The following TRPC7 variants were observed in gnomAD, a reference collection of about 807,000 sequenced individuals.
TRPC7 encodes transient receptor potential cation channel subfamily C member 7.
In TRPC7, 42 loss-of-function variants were observed where a neutral mutation model predicts 90.1. That is an observed-to-expected ratio of 0.47 (90% confidence interval 0.36 to 0.60). The LOEUF (loss-of-function observed/expected upper bound fraction) is 0.60, where lower values mean the gene tolerates loss of function less well. Ranked by LOEUF, TRPC7 falls within the 20% of genes least tolerant of loss-of-function variation. The pLI, the probability that TRPC7 is intolerant of heterozygous loss-of-function variation, is 0.00. For synonymous variants in TRPC7, 451 were observed against 436.3 expected (o/e 1.03, Z -0.42); for missense variants, 955 against 1,112.3 (o/e 0.86, Z 2.01).
intron 1 of TRPC7, among the ~76,000 whole-genome samples, chr5:136,361,485 T>C (rs959101817): frequency 5.3e-5 from 8 of 152,180 alleles, no homozygotes; most frequent in African/African-American, 1.9e-4. Context: ...CCAGATGTCA[T>C]TGACCCATGA....
At chr5:136,240,588 C>T (rs1580851739) in intron 7 of TRPC7, among the ~76,000 whole-genome samples, 1 of 152,270 alleles carries the variant, frequency 6.6e-6, no homozygotes, top group South Asian at 2.1e-4. Context: ...TTAGTATGCT[C>T]TTTTTCAGAA....
At chr5:136,343,602 G>A (rs182285905) in intron 2 of TRPC7, among the ~76,000 whole-genome samples, 1 of 152,066 alleles carries the variant, frequency 6.6e-6, no homozygotes, top group Non-Finnish European at 1.5e-5. Context: ...ACTAAACTAA[G>A]CCTAAAAATA....
chr5:136,303,481 G>C (rs992823373), intron 3 of TRPC7, among the ~76,000 whole-genome samples: 1 of 152,082 alleles, frequency 6.6e-6, no homozygotes, highest in Non-Finnish European at 1.5e-5. Context: ...TGCCTCCACT[G>C]TGAGACAAAC....
intron 2 of TRPC7, among the ~76,000 whole-genome samples, chr5:136,335,772 C>T (rs1053757414): frequency 4.6e-5 from 7 of 151,640 alleles, no homozygotes; most frequent in Non-Finnish European, 8.8e-5. Flanking sequence ...GGCGTGGTGG[C>T]GGGCGCCTGT....
chr5:136,273,642 G>C (rs560686551), intron 4 of TRPC7, among the ~76,000 whole-genome samples: 2 of 152,114 alleles, frequency 1.3e-5, no homozygotes, highest in South Asian at 4.2e-4. Flanking sequence ...TTGACAAGAG[G>C]GTTGGTTCAC....
intron 2 of TRPC7, among the ~76,000 whole-genome samples, chr5:136,332,897 G>A (rs2149847359): frequency 6.6e-6 from 1 of 152,296 alleles, no homozygotes; most frequent in South Asian, 2.1e-4. Flanking sequence ...GATAGCATAT[G>A]TGTTCTAAGC....
At chr5:136,337,030 A>T (rs1327732525) in intron 2 of TRPC7, among the ~76,000 whole-genome samples, 1 of 152,190 alleles carries the variant, frequency 6.6e-6, no homozygotes, top group Non-Finnish European at 1.5e-5. Flanking sequence ...AGGCTCACCT[A>T]TTAAGGCCCC....
intron 9 of TRPC7, 88 bp downstream of exon 9, chr5:136,225,946 G>A: frequency 8.9e-7 from 1 of 1,126,716 alleles, no homozygotes; most frequent in Non-Finnish European, 1.3e-6. Flanking sequence ...TGGGGTGGGG[G>A]AGGGCAGCCA....
chr5:136,226,887 C>T (rs1334989933), intron 8 of TRPC7, among the ~76,000 whole-genome samples: 3 of 152,124 alleles, frequency 2.0e-5, no homozygotes, highest in Non-Finnish European at 4.4e-5. Flanking sequence ...CTTCAAACTC[C>T]AGTGTGAATT....
At chr5:136,295,495 G>A (rs1362671679) in intron 3 of TRPC7, among the ~76,000 whole-genome samples, 3 of 152,090 alleles carry the variant, frequency 2.0e-5, no homozygotes, top group Non-Finnish European at 2.9e-5. Flanking sequence ...GGCAGGGTGA[G>A]CTTGGCTTAG....
intron 2 of TRPC7, among the ~76,000 whole-genome samples, chr5:136,341,062 A>G (rs1759828538): frequency 6.6e-6 from 1 of 152,212 alleles, no homozygotes; most frequent in East Asian, 1.9e-4. Flanking sequence ...GAGGGCAATT[A>G]TCAATCTCTT....
At chr5:136,359,542 A>G (rs1237866963) in intron 1 of TRPC7, among the ~76,000 whole-genome samples, 4 of 152,216 alleles carry the variant, frequency 2.6e-5, no homozygotes, top group Non-Finnish European at 4.4e-5. Flanking sequence ...CAATGCCATC[A>G]TTCCAGAGAC....
intron 1 of TRPC7, among the ~76,000 whole-genome samples, chr5:136,362,404 G>T (rs957128252): frequency 6.6e-6 from 1 of 152,006 alleles, no homozygotes; most frequent in Non-Finnish European, 1.5e-5. Flanking sequence ...AGCCTGTAAA[G>T]ACAAATGGCA....
intron 7 of TRPC7, among the ~76,000 whole-genome samples, chr5:136,244,450 G>A (rs1436196685): frequency 1.3e-5 from 2 of 152,240 alleles, no homozygotes; most frequent in Non-Finnish European, 2.9e-5. Context: ...ACTCTGGGCA[G>A]TAGGAACAGG....
chr5:136,355,729 C>T (rs1418360940), intron 2 of TRPC7, among the ~76,000 whole-genome samples: 1 of 152,130 alleles, frequency 6.6e-6, no homozygotes, highest in Non-Finnish European at 1.5e-5. Context: ...ACCCAGGAGG[C>T]AGAGCTTGCA....
chr5:136,228,896 A>T (rs1755727101), intron 8 of TRPC7, among the ~76,000 whole-genome samples: 1 of 152,110 alleles, frequency 6.6e-6, no homozygotes, highest in Non-Finnish European at 1.5e-5. Flanking sequence ...CCGTGGTGGG[A>T]TAACTTGACA....
chr5:136,340,334 A>G (rs1759807037), intron 2 of TRPC7, among the ~76,000 whole-genome samples: 1 of 152,192 alleles, frequency 6.6e-6, no homozygotes, highest in Non-Finnish European at 1.5e-5. Flanking sequence ...TGTTGGTTCC[A>G]AAGTACAGAG....
At position 136,252,327 on chromosome 5, in the gene TRPC7, GT is replaced by G. The variant is rs567078115; in HGVS notation, c.1346-446del. Among the ~76,000 whole-genome samples the G allele has an allele frequency of 8.1e-3, 1,227 of 151,710 alleles. 17 individuals carry two copies. Among genetic ancestry groups the G allele is most frequent in the African/African-American group, 0.021 (858 of 41,338 alleles). On this transcript the variant is annotated intron_variant, in intron 5 of 11. Coordinates refer to ENST00000513104, the MANE Select transcript of TRPC7 (RefSeq NM_020389.3). ...AATGCCCCAAGAACCTAGAACTATGGTTTTTTTTGGACATAGAACCCAGTTT... is the reference window on the plus strand; with the variant it reads ...AATGCCCCAAGAACCTAGAACTATGGTTTTTTTGGACATAGAACCCAGTTT...
chr5:136,291,683 A>G (rs1757960204), intron 3 of TRPC7, among the ~76,000 whole-genome samples: 1 of 152,214 alleles, frequency 6.6e-6, no homozygotes, highest in East Asian at 1.9e-4. Context: ...ACTCCCACAC[A>G]ATAACAATGG....
Sources: gnomAD v4.1 joint callset for allele counts (sites outside exome capture counted in the v4.1 genomes callset) on GRCh38, gnomAD v4.1.1 for gene constraint, MANE v1.5 for transcripts, NCBI Gene and HGNC (gene_info 2026-07-23, HGNC 2026-07-21) for gene names.